Variants in ZDHHC3 observed in about 807,000 individuals in gnomAD.
ZDHHC3 encodes the protein palmitoyltransferase ZDHHC3.
A neutral mutation model predicts 30.6 loss-of-function variants in ZDHHC3; 9 were observed. The observed-to-expected ratio is 0.29, with a 90% CI of 0.18 to 0.51. ZDHHC3 has a LOEUF of 0.51. Among genes scored for constraint, ZDHHC3 ranks in the 20% least tolerant of loss-of-function variants. The pLI is 0.97. For synonymous variants in ZDHHC3, 136 were observed against 140.2 expected (o/e 0.97, Z 0.21); for missense variants, 246 against 384.2 (o/e 0.64, Z 3.01).
chr3:44,954,364 A>T (rs897036893), intron 2 of ZDHHC3, among the ~76,000 whole-genome samples: 2 of 152,232 alleles, frequency 1.3e-5, no homozygotes, highest in Non-Finnish European at 2.9e-5. Context: ...CTATGTTTAG[A>T]TATACAAATA....
chr3:44,944,256 T>G (rs765121918), intron 3 of ZDHHC3, among the ~76,000 whole-genome samples: 2 of 152,184 alleles, frequency 1.3e-5, no homozygotes, highest in Non-Finnish European at 2.9e-5. Flanking sequence ...TTCAAGCGAT[T>G]CTGCTTCGGC....
intron 3 of ZDHHC3, among the ~76,000 whole-genome samples, chr3:44,940,788 G>A (rs1258234712): frequency 6.6e-6 from 1 of 152,136 alleles, no homozygotes; most frequent in Non-Finnish European, 1.5e-5. Flanking sequence ...TGGGGCTTAT[G>A]TGTTTCCTCT....
chr3:44,970,526 C>T (rs907444778), intron 1 of ZDHHC3, among the ~76,000 whole-genome samples: 1 of 152,234 alleles, frequency 6.6e-6, no homozygotes, highest in Non-Finnish European at 1.5e-5. Context: ...GGGCCCCTTG[C>T]AGGGCTGAGA....
chr3:44,952,025 G>A (rs1575882624), intron 2 of ZDHHC3, among the ~76,000 whole-genome samples: 2 of 152,106 alleles, frequency 1.3e-5, no homozygotes, highest in South Asian at 2.1e-4. Flanking sequence ...ACCATCACTC[G>A]GTGATAATGC....
At position 44,926,822 on chromosome 3, in the gene ZDHHC3, T is replaced by C; in HGVS notation, c.767A>G (p.Glu256Gly). ...ETGIEQLKKE[E>G]RRWAKKTKWM... ...TTTTGTTTTTTTAGCCCATCTTCTC[T>C]CTTCCTTTTTCAATTGTTCTATTCC... The change falls in exon 7 of 7, where the codon GAG becomes GGG. Residue 256 changes from glutamate to glycine, a missense_variant. Glu to Gly is a moderately conservative substitution (Grantham distance 98). Transcript: ENST00000424952. 1 of 1,611,904 alleles carries C rather than the reference T, an allele frequency of 6.2e-7. No homozygotes were observed. The highest frequency in any genetic ancestry group is 8.5e-7 in the Non-Finnish European group (1 of 1,179,104).
intron 1 of ZDHHC3, among the ~76,000 whole-genome samples, chr3:44,961,282 C>T (rs1288273005): frequency 6.6e-6 from 1 of 152,156 alleles, no homozygotes; most frequent in African/African-American, 2.4e-5. Context: ...GTCCCAGCTA[C>T]TGGGGAGGCT....
chr3:44,926,173 C>T lies in ZDHHC3; in HGVS notation c.*516G>A, dbSNP rs1258959968. The T allele has an allele frequency of 1.0e-6, 1 of 985,668 alleles. No individual in the cohort carries two copies. The highest frequency in any genetic ancestry group is 6.1e-5 in the Admixed American group (1 of 16,276). The allele number at this position is 985,668 out of a possible 1,614,324, so 61.1% of individuals were successfully genotyped here. A position where few individuals can be genotyped will look rare whatever the true frequency, so the allele number is the denominator to read the frequency against. ...GGGATGAGGTCGCTGTGCCAAGGTC[C>T]CTTCTGATCCTGCCCTTCTCAGGCC... On this transcript the variant is annotated 3_prime_UTR_variant, in exon 7 of 7. Transcript: ENST00000424952.
intron 1 of ZDHHC3, among the ~76,000 whole-genome samples, chr3:44,968,730 T>C (rs1705162079): frequency 6.6e-6 from 1 of 152,190 alleles, no homozygotes; most frequent in Non-Finnish European, 1.5e-5. Flanking sequence ...AAATTGAGCA[T>C]TCCTTCTTCT....
chr3:44,930,612 G>C (rs975050792), intron 5 of ZDHHC3, among the ~76,000 whole-genome samples: 1 of 152,248 alleles, frequency 6.6e-6, no homozygotes, highest in Admixed American at 6.5e-5. Flanking sequence ...TCCCCCACGG[G>C]AATGTCAGGA....
chr3:44,937,454 C>T (rs1702060592), intron 3 of ZDHHC3, among the ~76,000 whole-genome samples: 1 of 151,690 alleles, frequency 6.6e-6, no homozygotes, highest in Non-Finnish European at 1.5e-5. Context: ...GCCTATAAGC[C>T]CAGCACTTAG....
In ZDHHC3 at chr3:44,925,811, C is replaced by T. The variant is rs1403658825; in HGVS notation, c.*878G>A. ...GTTGGGCACTGGTGCCTATTGCAGT[C>T]AGAATTCACACTGCTTAATTGACAT... On this transcript the variant is annotated 3_prime_UTR_variant, in exon 7 of 7. Coordinates refer to ENST00000424952, the MANE Select transcript of ZDHHC3 (RefSeq NM_001135179.2). The T allele has an allele frequency of 1.0e-6, 1 of 985,688 alleles. No homozygotes were observed. The highest frequency in any genetic ancestry group is 1.7e-5 in the African/African-American group (1 of 57,222). The allele number at this position is 985,688 out of a possible 1,614,324, so 61.1% of individuals were successfully genotyped here.
In ZDHHC3 at chr3:44,936,876, C is replaced by G. The variant is rs547865135; in HGVS notation, c.432-2892G>C. Among the ~76,000 whole-genome samples the G allele has an allele frequency of 5.5e-3, 772 of 141,124 alleles. 5 individuals are homozygous for G. Among genetic ancestry groups the G allele is most frequent in the Non-Finnish European group, 8.1e-3 (533 of 65,628 alleles). 92.6% of individuals were successfully genotyped at this position (141,124 alleles called of 152,430 possible). ...CCCGAACATAAAATAAAAGTTAAAA[C>G]CCCCCCCCAAAACCTGCTTGAACGA... On this transcript the variant is annotated intron_variant, in intron 3 of 6. Coordinates refer to ENST00000424952, the MANE Select transcript of ZDHHC3 (RefSeq NM_001135179.2).
chr3:44,973,516 T>C (rs148939033), intron 1 of ZDHHC3, among the ~76,000 whole-genome samples: 2,740 of 152,282 alleles, frequency 0.018, 42 homozygotes, highest in Middle Eastern at 0.085. Context: ...TGGAGTGCAA[T>C]GGCGTGATCT....
chr3:44,930,952 C>T (rs1180571086), intron 5 of ZDHHC3, among the ~76,000 whole-genome samples: 3 of 152,192 alleles, frequency 2.0e-5, no homozygotes, highest in East Asian at 3.9e-4. Context: ...GCTCTAACTA[C>T]AAGGCCCATA....
At chr3:44,949,956 C>T (rs759957202) in intron 2 of ZDHHC3, among the ~76,000 whole-genome samples, 55 of 152,222 alleles carry the variant, frequency 3.6e-4, no homozygotes, top group African/African-American at 9.1e-4. Flanking sequence ...CCACCTCAGC[C>T]GCCCAAGTAG....
chr3:44,975,728 C>T (rs1705882535), intron 1 of ZDHHC3, among the ~76,000 whole-genome samples: 1 of 151,210 alleles, frequency 6.6e-6, no homozygotes, highest in African/African-American at 2.4e-5. Context: ...ATCACGACGT[C>T]CGCCCCTCCT....
chr3:44,933,388 G>A (rs1701670214), intron 4 of ZDHHC3, 189 bp from the exon 5 acceptor site: 2 of 614,256 alleles, frequency 3.3e-6, no homozygotes, highest in Non-Finnish European at 5.8e-6. Flanking sequence ...TGGGTCAAGT[G>A]AGCAGCCACC....
intron 3 of ZDHHC3, chr3:44,937,794 A>G (rs756236090): frequency 3.2e-5 from 13 of 410,586 alleles, no homozygotes; most frequent in South Asian, 2.5e-4. Flanking sequence ...TCTGTCCCCA[A>G]AAAAGGTTGG....
Position 44,923,328 on chromosome 3 carries a change from G to A in ZDHHC3, c.*3361C>T, listed in dbSNP as rs927151955. 10 of 983,148 alleles carry A rather than the reference G, an allele frequency of 1.0e-5. No homozygotes were observed. The African/African-American group carries it at 1.4e-4, about 14-fold the overall frequency. The allele number at this position is 983,148 out of a possible 1,614,324, so 60.9% of individuals were successfully genotyped here. On this transcript the variant is annotated 3_prime_UTR_variant, in exon 7 of 7. Transcript: ENST00000424952. Reference sequence around the variant, plus strand: ...CTTGACCTCGTGATCTGCCCGCCTCGGCCTCCCAAAGTGCTGGGATTACAG... The same window carrying A: ...CTTGACCTCGTGATCTGCCCGCCTCAGCCTCCCAAAGTGCTGGGATTACAG...
Sources: allele counts gnomAD v4.1 joint callset (sites outside exome capture counted in the v4.1 genomes callset), GRCh38; gene constraint gnomAD v4.1.1; transcripts MANE v1.5; gene names NCBI Gene and HGNC (gene_info 2026-07-23, HGNC 2026-07-21).